Variants in LARGE1 observed in about 807,000 individuals in gnomAD.
LARGE1 encodes the protein xylosyl- and glucuronyltransferase LARGE1.
LARGE1 carries 43 observed loss-of-function variants against 87.6 expected under a neutral mutation model. That is an observed-to-expected ratio of 0.49 (90% CI 0.38 to 0.63). The LOEUF is 0.63. Ranked by LOEUF, LARGE1 falls within the 30% of genes least tolerant of loss-of-function variation. The pLI is 0.00. For missense variants in LARGE1, 802 were observed against 1,000.2 expected (o/e 0.80, Z 2.67); for synonymous variants, 434 against 394.6 (o/e 1.10, Z -1.18).
intron 10 of LARGE1, among the ~76,000 whole-genome samples, chr22:33,327,019 G>C (rs1210594201): frequency 6.6e-6 from 1 of 152,132 alleles, no homozygotes; most frequent in Non-Finnish European, 1.5e-5. Context: ...GTCCATCCTG[G>C]GCTCTGCTGC....
chr22:33,373,330 CTGTT>C (rs2064881534), intron 9 of LARGE1, among the ~76,000 whole-genome samples: 1 of 152,164 alleles, frequency 6.6e-6, no homozygotes, highest in African/African-American at 2.4e-5. Context: ...ATTCTGAAAT[CTGTT>C]TAACTGCCAT....
At chr22:33,286,088 C>A (rs76724599) in intron 12 of LARGE1, among the ~76,000 whole-genome samples, 6,322 of 152,254 alleles carry the variant, frequency 0.042, 176 homozygotes, top group Middle Eastern at 0.068. Context: ...TCGTAAAGGA[C>A]GACAGCAAGA....
chr22:33,833,994 T>C (rs1006929169), intron 1 of LARGE1, among the ~76,000 whole-genome samples: 3 of 152,114 alleles, frequency 2.0e-5, no homozygotes, highest in East Asian at 1.9e-4. Context: ...AGCTCAATTA[T>C]TGTCATTTTA....
At chr22:33,768,285 G>A (rs373663882) in intron 1 of LARGE1, among the ~76,000 whole-genome samples, 6 of 152,132 alleles carry the variant, frequency 3.9e-5, no homozygotes, top group Admixed American at 2.0e-4. Flanking sequence ...GCGACAGAGC[G>A]AGACTCCGTC....
At chr22:33,487,000 G>C (rs1445939375) in intron 6 of LARGE1, among the ~76,000 whole-genome samples, 1 of 152,188 alleles carries the variant, frequency 6.6e-6, no homozygotes, top group Non-Finnish European at 1.5e-5. Flanking sequence ...CCAAATTGCG[G>C]ACACAAATAT....
intron 9 of LARGE1, among the ~76,000 whole-genome samples, chr22:33,371,090 A>C (rs1318858665): frequency 2.0e-5 from 3 of 151,216 alleles, no homozygotes; most frequent in Non-Finnish European, 4.4e-5. Flanking sequence ...TGAATAATAC[A>C]TATTATATAA....
chr22:33,470,908 T>A (rs968356528), intron 6 of LARGE1, among the ~76,000 whole-genome samples: 1 of 152,196 alleles, frequency 6.6e-6, no homozygotes, highest in African/African-American at 2.4e-5. Context: ...GAGCCTCAGG[T>A]TAGACTTCTG....
intron 1 of LARGE1, among the ~76,000 whole-genome samples, chr22:33,796,720 G>A (rs2085995676): frequency 6.6e-6 from 1 of 151,280 alleles, no homozygotes. Context: ...GCCAGGTGGA[G>A]GAGGAGGGGA....
the LARGE1 span, among the ~76,000 whole-genome samples, chr22:33,070,331 A>C: frequency 6.6e-6 from 1 of 152,334 alleles, no homozygotes; most frequent in East Asian, 1.9e-4. Context: ...CTATGTATAG[A>C]ACAATGGTTT....
chr22:33,238,578 GA>G (rs1228602601), intron 11 of LARGE1, among the ~76,000 whole-genome samples: 4 of 152,038 alleles, frequency 2.6e-5, no homozygotes, highest in Admixed American at 1.3e-4. Flanking sequence ...TGAAATTATT[GA>G]AAAAATTGAC....
chr22:33,897,441 C>A (rs753863311), intron 1 of LARGE1, among the ~76,000 whole-genome samples: 9 of 152,082 alleles, frequency 5.9e-5, no homozygotes, highest in Non-Finnish European at 8.8e-5. Context: ...TAGCATAAAA[C>A]GAAAGCAGGA....
intron 12 of LARGE1, among the ~76,000 whole-genome samples, chr22:33,288,496 T>C (rs1931947961): frequency 6.6e-6 from 1 of 152,218 alleles, no homozygotes; most frequent in Non-Finnish European, 1.5e-5. Context: ...TTGATACATA[T>C]ATTACTATCT....
the LARGE1 span, among the ~76,000 whole-genome samples, chr22:33,155,070 C>G: frequency 6.6e-6 from 1 of 152,168 alleles, no homozygotes; most frequent in African/African-American, 2.4e-5. Flanking sequence ...TCCAATAAAC[C>G]TCTTTCTTTT....
At chr22:33,818,051 AACCTTGG>A (rs1408684085) in intron 1 of LARGE1, among the ~76,000 whole-genome samples, 2 of 152,212 alleles carry the variant, frequency 1.3e-5, no homozygotes, top group African/African-American at 4.8e-5. Flanking sequence ...CAACTAATTT[AACCTTGG>A]ACAGGTTCTA....
At chr22:33,793,046 A>G (rs760048105) in intron 1 of LARGE1, among the ~76,000 whole-genome samples, 3 of 152,220 alleles carry the variant, frequency 2.0e-5, no homozygotes, top group Non-Finnish European at 4.4e-5. Context: ...GGAGGCAGGG[A>G]GTTCCACGAC....
chr22:33,416,514 T>A (rs1156692668), intron 7 of LARGE1, among the ~76,000 whole-genome samples: 1 of 152,206 alleles, frequency 6.6e-6, no homozygotes, highest in Non-Finnish European at 1.5e-5. Flanking sequence ...CTTCTGATTT[T>A]TGGCTCTATG....
intron 1 of LARGE1, among the ~76,000 whole-genome samples, chr22:33,766,913 C>T (rs866252804): frequency 5.4e-5 from 6 of 111,782 alleles, no homozygotes; most frequent in East Asian, 2.7e-4. Context: ...TAAACATATA[C>T]ATATATATAT....
chr22:33,801,827 A>G (rs1392940130), intron 1 of LARGE1, among the ~76,000 whole-genome samples: 1 of 152,170 alleles, frequency 6.6e-6, no homozygotes, highest in African/African-American at 2.4e-5. Flanking sequence ...CCCAGTGACT[A>G]GTTTCCTCAT....
intron 1 of LARGE1, among the ~76,000 whole-genome samples, chr22:33,844,325 C>G (rs1261402135): frequency 1.3e-5 from 2 of 152,070 alleles, no homozygotes; most frequent in Admixed American, 1.3e-4. Flanking sequence ...TGTTTGTTTC[C>G]CAAATTCAAT....
Sources: gnomAD v4.1 joint callset for allele counts (sites outside exome capture counted in the v4.1 genomes callset) on GRCh38, gnomAD v4.1.1 for gene constraint, MANE v1.5 for transcripts, NCBI Gene and HGNC (gene_info 2026-07-23, HGNC 2026-07-21) for gene names.